The following PCSK2 variants were observed in gnomAD, a reference collection of about 807,000 sequenced individuals.
The protein encoded by PCSK2 is proprotein convertase subtilisin/kexin type 2, also known as neuroendocrine convertase 2.
PCSK2 carries 14 observed loss-of-function variants against 69.7 expected under a neutral mutation model. The ratio of observed to expected loss-of-function variants is 0.20; its 90% confidence interval spans 0.13 to 0.31. The LOEUF is 0.31. Ranked by LOEUF, PCSK2 falls within the 10% of genes least tolerant of loss-of-function variation. The probability of loss-of-function intolerance (pLI) is 1.00; values close to 1 mark genes in which losing one functional copy is unlikely to be tolerated. For synonymous variants in PCSK2, 307 were observed against 320.7 expected (o/e 0.96, Z 0.46); for missense variants, 544 against 842.5 (o/e 0.65, Z 4.39).
At chr20:17,406,939 C>T (rs1037778441) in intron 5 of PCSK2, among the ~76,000 whole-genome samples, 4 of 152,036 alleles carry the variant, frequency 2.6e-5, no homozygotes, top group Non-Finnish European at 5.9e-5. Flanking sequence ...CATCATCTGT[C>T]CACTCTGGCT....
chr20:17,334,647 G>A (rs573087949), intron 2 of PCSK2, among the ~76,000 whole-genome samples: 2 of 152,212 alleles, frequency 1.3e-5, no homozygotes, highest in South Asian at 4.2e-4. Context: ...CAATAGGAAG[G>A]GGCCATGAGG....
chr20:17,247,283 C>T (rs1290368529), intron 1 of PCSK2, among the ~76,000 whole-genome samples: 1 of 152,136 alleles, frequency 6.6e-6, no homozygotes, highest in Middle Eastern at 3.2e-3. Context: ...AAATAAAGAA[C>T]GGTCTCTGAG....
chr20:17,435,316 C>T (rs2032462349), intron 7 of PCSK2, among the ~76,000 whole-genome samples: 1 of 152,212 alleles, frequency 6.6e-6, no homozygotes, highest in African/African-American at 2.4e-5. Context: ...AAAATAGACA[C>T]ATGCCCTATA....
intron 2 of PCSK2, among the ~76,000 whole-genome samples, chr20:17,301,183 A>G (rs530211253): frequency 6.6e-6 from 1 of 152,306 alleles, no homozygotes; most frequent in Non-Finnish European, 1.5e-5. Flanking sequence ...GAAATTTGGG[A>G]ATGTGAACTT....
chr20:17,361,943 C>T (rs538261464), intron 4 of PCSK2, among the ~76,000 whole-genome samples: 94 of 152,290 alleles, frequency 6.2e-4, no homozygotes, highest in African/African-American at 2.1e-3. Context: ...GAAAACAATG[C>T]ATCAGGATTT....
At chr20:17,363,637 G>A (rs908336956) in intron 4 of PCSK2, among the ~76,000 whole-genome samples, 4 of 152,224 alleles carry the variant, frequency 2.6e-5, no homozygotes, top group Admixed American at 1.3e-4. Context: ...CAAGATCAGA[G>A]AAGGCATGGG....
At chr20:17,242,426 T>C (rs1194109491) in intron 1 of PCSK2, among the ~76,000 whole-genome samples, 2 of 152,198 alleles carry the variant, frequency 1.3e-5, no homozygotes, top group Non-Finnish European at 1.5e-5. Context: ...TTGAAAGGGG[T>C]TGATTCTACA....
chr20:17,442,579 C>T (rs1277656661), intron 8 of PCSK2, among the ~76,000 whole-genome samples: 1 of 152,118 alleles, frequency 6.6e-6, no homozygotes, highest in Non-Finnish European at 1.5e-5. Flanking sequence ...TAGTTCAGGA[C>T]CTTGAGAAGT....
chr20:17,315,758 A>C (rs1243924091), intron 2 of PCSK2, among the ~76,000 whole-genome samples: 2 of 152,160 alleles, frequency 1.3e-5, no homozygotes, highest in African/African-American at 4.8e-5. Context: ...CGCTGGGTGA[A>C]TGTGAATCGC....
chr20:17,360,485 A>T, intron 3 of PCSK2, 47 bp from the exon 4 acceptor site: 1 of 1,202,294 alleles, frequency 8.3e-7, no homozygotes, highest in Non-Finnish European at 1.2e-6. Context: ...TGGGTGCTTT[A>T]CAACACCAAA....
intron 8 of PCSK2, among the ~76,000 whole-genome samples, chr20:17,439,665 C>T (rs934123198): frequency 1.3e-5 from 2 of 152,212 alleles, no homozygotes; most frequent in Non-Finnish European, 2.9e-5. Context: ...CCTAGTCTTA[C>T]CAGACTAAAG....
At chr20:17,412,404 T>A (rs2031895783) in intron 6 of PCSK2, among the ~76,000 whole-genome samples, 1 of 152,098 alleles carries the variant, frequency 6.6e-6, no homozygotes, top group African/African-American at 2.4e-5. Context: ...CAATAGCCGA[T>A]TTGATCAAGT....
chr20:17,412,904 A>G (rs2031910749), intron 6 of PCSK2, among the ~76,000 whole-genome samples: 1 of 152,230 alleles, frequency 6.6e-6, no homozygotes, highest in Non-Finnish European at 1.5e-5. Context: ...AGAATTTTCA[A>G]CCCAGAATTT....
chr20:17,247,796 C>T (rs1202529389), intron 1 of PCSK2, among the ~76,000 whole-genome samples: 1 of 152,216 alleles, frequency 6.6e-6, no homozygotes, highest in Non-Finnish European at 1.5e-5. Flanking sequence ...AGGAAATAGG[C>T]TCCATGAGAA....
chr20:17,236,896 G>C (rs1004848333), intron 1 of PCSK2, among the ~76,000 whole-genome samples: 2 of 152,170 alleles, frequency 1.3e-5, no homozygotes, highest in African/African-American at 2.4e-5. Flanking sequence ...TGTTCAGAGG[G>C]AAGGAAGAGG....
At chr20:17,402,990 A>G (rs986744524) in intron 5 of PCSK2, among the ~76,000 whole-genome samples, 10 of 152,050 alleles carry the variant, frequency 6.6e-5, no homozygotes, top group Admixed American at 5.9e-4. Context: ...AGAAAAGAAA[A>G]CATAAAATGT....
chr20:17,477,169 A>G (rs772436297), intron 11 of PCSK2, among the ~76,000 whole-genome samples: 2 of 152,260 alleles, frequency 1.3e-5, no homozygotes, highest in Non-Finnish European at 2.9e-5. Context: ...CCAACTGGGC[A>G]CATGACCACT....
At chr20:17,344,804 T>C (rs1279819585) in intron 2 of PCSK2, among the ~76,000 whole-genome samples, 1 of 152,220 alleles carries the variant, frequency 6.6e-6, no homozygotes, top group Non-Finnish European at 1.5e-5. Context: ...GCCTTCTTAC[T>C]TCCTTTGTCT....
chr20:17,295,213 A>AACACACACAC (rs58508384), intron 2 of PCSK2, among the ~76,000 whole-genome samples: 9 of 146,184 alleles, frequency 6.2e-5, no homozygotes, highest in African/African-American at 2.0e-4. Context: ...ATACGCAGTT[A>AACACACACAC]ACACACACAC....
Sources: allele counts gnomAD v4.1 joint callset (sites outside exome capture counted in the v4.1 genomes callset), GRCh38; gene constraint gnomAD v4.1.1; transcripts MANE v1.5; gene names NCBI Gene and HGNC (gene_info 2026-07-23, HGNC 2026-07-21).